The following CTNNA3 variants were observed in gnomAD, a reference collection of about 807,000 sequenced individuals.
The protein encoded by CTNNA3 is catenin alpha-3.
Under a neutral mutation model 95.7 loss-of-function variants are expected in CTNNA3, and 76 were observed. That is an observed-to-expected ratio of 0.79 (90% CI 0.66 to 0.96). The LOEUF is 0.96. Ranked by LOEUF, CTNNA3 falls within the 40% of genes least tolerant of loss-of-function variation. The pLI is 0.00. For missense variants in CTNNA3, 1,191 were observed against 1,089.8 expected (o/e 1.09, Z -1.31); for synonymous variants, 431 against 374.4 (o/e 1.15, Z -1.74).
At chr10:66,263,646 TC>T (rs1239779303) in intron 13 of CTNNA3, among the ~76,000 whole-genome samples, 1 of 151,952 alleles carries the variant, frequency 6.6e-6, no homozygotes, top group Admixed American at 6.6e-5. Flanking sequence ...CTGTCCCAAA[TC>T]CTCTCATTAT....
intron 16 of CTNNA3, among the ~76,000 whole-genome samples, chr10:65,983,005 A>G (rs2078356715): frequency 1.3e-5 from 2 of 151,644 alleles, no homozygotes; most frequent in Non-Finnish European, 3.0e-5. Flanking sequence ...ATTTTGTAAA[A>G]TATTAATACA....
At chr10:66,356,765 A>G (rs907969339) in intron 12 of CTNNA3, among the ~76,000 whole-genome samples, 2 of 152,038 alleles carry the variant, frequency 1.3e-5, no homozygotes. Context: ...ACCTTTTATC[A>G]AATTAGGAAA....
intron 7 of CTNNA3, among the ~76,000 whole-genome samples, chr10:67,118,264 G>A (rs907944680): frequency 6.6e-6 from 1 of 151,902 alleles, no homozygotes; most frequent in African/African-American, 2.4e-5. Flanking sequence ...AAAAGAGTGT[G>A]GTTTCCCAAA....
chr10:67,385,691 C>T (rs1844130102), intron 5 of CTNNA3, among the ~76,000 whole-genome samples: 1 of 152,112 alleles, frequency 6.6e-6, no homozygotes, highest in Non-Finnish European at 1.5e-5. Context: ...TAAACCAAGG[C>T]TGCATGTGAA....
chr10:67,411,228 A>T (rs768113169), intron 5 of CTNNA3, among the ~76,000 whole-genome samples: 3 of 152,192 alleles, frequency 2.0e-5, no homozygotes, highest in Non-Finnish European at 4.4e-5. Context: ...AATGAAAAGT[A>T]TATGAGGTCA....
intron 16 of CTNNA3, among the ~76,000 whole-genome samples, chr10:65,972,904 G>GAAAAAA (rs3052085): frequency 1.4e-5 from 2 of 140,142 alleles, no homozygotes; most frequent in African/African-American, 5.1e-5. Flanking sequence ...TCCTAAGGGG[G>GAAAAAA]AAAAAAAAAA....
At chr10:67,700,877 A>G (rs1427643386), upstream of CTNNA3, among the ~76,000 whole-genome samples, 1 of 152,216 alleles carries the variant, frequency 6.6e-6, no homozygotes, top group African/African-American at 2.4e-5. Context: ...GAAAACTTTG[A>G]AAAAAATTTA....
intron 7 of CTNNA3, among the ~76,000 whole-genome samples, chr10:66,935,983 A>G (rs1249055035): frequency 6.6e-6 from 1 of 152,248 alleles, no homozygotes; most frequent in African/African-American, 2.4e-5. Flanking sequence ...TTACCATTAG[A>G]ACATCCCTCT....
At chr10:65,950,522 G>A (rs2077592036) in intron 17 of CTNNA3, among the ~76,000 whole-genome samples, 1 of 151,960 alleles carries the variant, frequency 6.6e-6, no homozygotes. Flanking sequence ...TTGCCTAATG[G>A]GGAATTTGGC....
At chr10:67,342,694 T>C (rs1055427311) in intron 5 of CTNNA3, among the ~76,000 whole-genome samples, 2 of 152,172 alleles carry the variant, frequency 1.3e-5, no homozygotes, top group African/African-American at 4.8e-5. Context: ...TTGAAGAGAC[T>C]GTCTTTTTTC....
rs192260848 is a variant in CTNNA3, at chr10:67,481,600, T to A, written c.579+40242A>T. On this transcript the variant is annotated intron_variant, in intron 5 of 17. Coordinates refer to ENST00000433211, the MANE Select transcript of CTNNA3 (RefSeq NM_013266.4). ...TAACCAAGGAGGTGAAAGAAAGATCTCTACAAGGAGAACTACAAAACACTG... is the reference window on the plus strand; with the variant it reads ...TAACCAAGGAGGTGAAAGAAAGATCACTACAAGGAGAACTACAAAACACTG... Among the ~76,000 whole-genome samples the A allele has an allele frequency of 2.6e-4, 40 of 152,270 alleles. No homozygotes were observed. The East Asian group carries it at 7.3e-3, about 28-fold the overall frequency.
At chr10:66,841,408 C>G (rs1843062525) in intron 7 of CTNNA3, among the ~76,000 whole-genome samples, 1 of 152,140 alleles carries the variant, frequency 6.6e-6, no homozygotes, top group Non-Finnish European at 1.5e-5. Flanking sequence ...AACAAGTATT[C>G]ATCAATTTAA....
chr10:67,299,784 C>T (rs185788161), intron 5 of CTNNA3, among the ~76,000 whole-genome samples: 1 of 152,284 alleles, frequency 6.6e-6, no homozygotes, highest in Non-Finnish European at 1.5e-5. Flanking sequence ...GGCCCTTTTA[C>T]AAAGAGACCT....
intron 7 of CTNNA3, among the ~76,000 whole-genome samples, chr10:66,999,384 A>T (rs1328096655): frequency 6.6e-6 from 1 of 152,134 alleles, no homozygotes; most frequent in Non-Finnish European, 1.5e-5. Flanking sequence ...CCTGAAAAAA[A>T]TATATAATCA....
At chr10:67,387,530 G>T (rs375536459) in intron 5 of CTNNA3, among the ~76,000 whole-genome samples, 10 of 152,192 alleles carry the variant, frequency 6.6e-5, no homozygotes, top group East Asian at 3.9e-4. Flanking sequence ...CAAAGCAGCC[G>T]GGAAGCTCGA....
intron 1 of CTNNA3, among the ~76,000 whole-genome samples, chr10:67,678,166 C>T (rs1045206670): frequency 1.2e-4 from 18 of 151,800 alleles, no homozygotes; most frequent in Non-Finnish European, 2.4e-4. Context: ...AAGAGGAAGA[C>T]ACTTTCTTAA....
intron 13 of CTNNA3, among the ~76,000 whole-genome samples, chr10:66,267,394 T>C (rs1716328632): frequency 6.6e-6 from 1 of 152,110 alleles, no homozygotes; most frequent in Non-Finnish European, 1.5e-5. Flanking sequence ...AACTGGAATG[T>C]CAACAAATGG....
At chr10:66,996,518 C>T (rs1443020085) in intron 7 of CTNNA3, among the ~76,000 whole-genome samples, 2 of 151,682 alleles carry the variant, frequency 1.3e-5, no homozygotes, top group Non-Finnish European at 2.9e-5. Flanking sequence ...CGTGGTGGCG[C>T]GTGCCTGTAG....
intron 11 of CTNNA3, among the ~76,000 whole-genome samples, chr10:66,382,079 T>A (rs531579903): frequency 3.9e-5 from 6 of 152,100 alleles, no homozygotes; most frequent in Non-Finnish European, 5.9e-5. Flanking sequence ...CTGGGACTGG[T>A]TGGACAGTGG....
Sources: gnomAD v4.1 joint callset for allele counts (sites outside exome capture counted in the v4.1 genomes callset) on GRCh38, gnomAD v4.1.1 for gene constraint, MANE v1.5 for transcripts, NCBI Gene and HGNC (gene_info 2026-07-23, HGNC 2026-07-21) for gene names.